Variants in NOL10 observed in about 807,000 individuals in gnomAD.
The protein encoded by NOL10 is nucleolar protein 10.
NOL10 carries 58 observed loss-of-function variants against 103.5 expected under a neutral mutation model. The observed-to-expected ratio is 0.56, with a 90% CI of 0.45 to 0.70. The LOEUF (loss-of-function observed/expected upper bound fraction) is 0.70, where lower values mean the gene tolerates loss of function less well. Among genes scored for constraint, NOL10 ranks in the 30% least tolerant of loss-of-function variants. The pLI is 0.00. For synonymous variants in NOL10, 287 were observed against 282.5 expected (o/e 1.02, Z -0.16); for missense variants, 763 against 807.3 (o/e 0.95, Z 0.67).
At chr2:10,605,544 G>A (rs1160078594) in intron 14 of NOL10, among the ~76,000 whole-genome samples, 1 of 152,058 alleles carries the variant, frequency 6.6e-6, no homozygotes, top group Non-Finnish European at 1.5e-5. Context: ...TTTTAAAAAT[G>A]AGCAGTACAA....
At chr2:10,640,093 A>C (rs957331946) in intron 13 of NOL10, among the ~76,000 whole-genome samples, 4 of 152,220 alleles carry the variant, frequency 2.6e-5, no homozygotes, top group Non-Finnish European at 5.9e-5. Context: ...AGAGGGAGGG[A>C]AAAAGTTTTC....
rs1491169596 is a variant in NOL10 at position 10,659,343 on chromosome 2, G to GC, written c.678-94_678-93insG. 3.4e-4 allele frequency: 12 copies of GC among 35,376 alleles called. No individual in the cohort carries two copies. In the South Asian group the frequency reaches 7.5e-3, roughly 22 times the overall value. 2.2% of individuals were successfully genotyped at this position (35,376 alleles called of 1,614,324 possible). On this transcript the variant is annotated intron_variant, in intron 9 of 20. Coordinates refer to ENST00000381685, the MANE Select transcript of NOL10 (RefSeq NM_024894.4). ...ATTAGTCTTCACTTCAAATCTAATGGGGGGGGGGGGGAGGAATCACATTTC... is the reference window on the plus strand; with the variant it reads ...ATTAGTCTTCACTTCAAATCTAATGGCGGGGGGGGGGGAGGAATCACATTTC...
chr2:10,618,464 T>C (rs1676954509), intron 13 of NOL10, among the ~76,000 whole-genome samples: 1 of 152,206 alleles, frequency 6.6e-6, no homozygotes, highest in South Asian at 2.1e-4. Flanking sequence ...ACACAGGCAA[T>C]GCTGTGCCAA....
intron 17 of NOL10, 100 bp from the exon 18 acceptor site, chr2:10,589,851 A>G (rs1327983316): frequency 1.4e-6 from 1 of 702,236 alleles, no homozygotes; most frequent in East Asian, 3.0e-5. Context: ...TAAGTTAATA[A>G]GCGGCATGAG....
At chr2:10,677,893 GTA>G (rs1452735456) in intron 3 of NOL10, among the ~76,000 whole-genome samples, 12 of 149,244 alleles carry the variant, frequency 8.0e-5, no homozygotes, top group African/African-American at 1.2e-4. Flanking sequence ...ATATGCGTGT[GTA>G]TATATGTGTG....
At chr2:10,601,075 T>C in intron 16 of NOL10, 133 bp from the exon 17 acceptor site, 1 of 557,480 alleles carries the variant, frequency 1.8e-6, no homozygotes. Context: ...TTTATTATTT[T>C]TTTTTTGAGA....
Position 10,572,025 on chromosome 2 carries a change from G to C in NOL10, c.*46C>G, listed in dbSNP as rs1674203038. ...TAACACCCTAACGATGATCAGTTTG[G>C]GGGAGACGTACCCCTCCCTAATCAC... On this transcript the variant is annotated 3_prime_UTR_variant, in exon 21 of 21. Transcript: ENST00000381685. 3.7e-6 allele frequency: 6 copies of C among 1,605,256 alleles called. No homozygotes were observed. The highest frequency in any genetic ancestry group is 1.3e-5 in the African/African-American group (1 of 74,656).
intron 20 of NOL10, among the ~76,000 whole-genome samples, chr2:10,573,985 G>A (rs2148135502): frequency 6.6e-6 from 1 of 150,962 alleles, no homozygotes; most frequent in South Asian, 2.1e-4. Context: ...GAAATACTAT[G>A]TCAGTTCAGT....
At chr2:10,623,550 T>G (rs1429078541) in intron 13 of NOL10, among the ~76,000 whole-genome samples, 1 of 152,250 alleles carries the variant, frequency 6.6e-6, no homozygotes, top group Non-Finnish European at 1.5e-5. Flanking sequence ...ATCTGTTCCT[T>G]TACTAGACTA....
At chr2:10,637,389 A>G (rs539809427) in intron 13 of NOL10, among the ~76,000 whole-genome samples, 9 of 152,154 alleles carry the variant, frequency 5.9e-5, no homozygotes, top group African/African-American at 1.9e-4. Flanking sequence ...CCAAAGCTAT[A>G]ATGATTTCAA....
chr2:10,633,793 ATG>A (rs34227530), intron 13 of NOL10, among the ~76,000 whole-genome samples: 59,982 of 149,196 alleles, frequency 0.4, 13,109 homozygotes, highest in Middle Eastern at 0.59. Context: ...GTTTATATGT[ATG>A]TGTGTGTGTG....
chr2:10,630,232 T>C (rs1253212186), intron 13 of NOL10, among the ~76,000 whole-genome samples: 1 of 152,250 alleles, frequency 6.6e-6, no homozygotes, highest in Non-Finnish European at 1.5e-5. Context: ...ATTCCTCTTT[T>C]GTTGCTCAAG....
chr2:10,657,968 G>A lies in NOL10; in HGVS notation c.757-77C>T, dbSNP rs941259109. On this transcript the variant is annotated intron_variant, in intron 10 of 20. Transcript: ENST00000381685. ...GAAATATTTCTAAGTGAGAATAATG[G>A]CAGCCATTTGCTTCATCGCTTTGTT... 8.9e-6 allele frequency: 10 copies of A among 1,120,360 alleles called. No individual in the cohort carries two copies. In the African/African-American group the frequency reaches 1.6e-4, roughly 18 times the overall value. 69.4% of individuals were successfully genotyped at this position (1,120,360 alleles called of 1,614,324 possible).
chr2:10,588,806 A>G (rs139283830), intron 19 of NOL10, among the ~76,000 whole-genome samples: 1 of 152,328 alleles, frequency 6.6e-6, no homozygotes, highest in Admixed American at 6.5e-5. Context: ...GTTGTGACAA[A>G]TAAGTAAATC....
chr2:10,583,358 A>C (rs1301487338), intron 19 of NOL10, among the ~76,000 whole-genome samples: 1 of 152,136 alleles, frequency 6.6e-6, no homozygotes, highest in Non-Finnish European at 1.5e-5. Flanking sequence ...TCTTAGCCCT[A>C]ATCTTACTTT....
intron 6 of NOL10, among the ~76,000 whole-genome samples, chr2:10,669,910 A>G (rs972126479): frequency 1.1e-4 from 16 of 150,778 alleles, no homozygotes; most frequent in Middle Eastern, 3.5e-3. Context: ...TAATAATAAT[A>G]ATGATAATAA....
At chr2:10,667,569 A>G (rs935749802) in intron 7 of NOL10, among the ~76,000 whole-genome samples, 3 of 152,204 alleles carry the variant, frequency 2.0e-5, no homozygotes, top group Admixed American at 6.5e-5. Context: ...GGGTCACTCT[A>G]TTTTTCAAGG....
chr2:10,660,223 T>C (rs1680108988), intron 9 of NOL10, among the ~76,000 whole-genome samples: 1 of 152,248 alleles, frequency 6.6e-6, no homozygotes, highest in Non-Finnish European at 1.5e-5. Flanking sequence ...AAGCCTCATA[T>C]GCACAGCAAC....
Position 10,689,921 on chromosome 2 carries a change from T to C in NOL10, c.-60A>G, listed in dbSNP as rs978252086. The stretch of plus-strand genomic sequence containing the variant: ...TTCCCACCAGCGTGCTCGAGCACCG[T>C]AATCCCGGGACCTCCGAGCCCCTGC... On this transcript the variant is annotated 5_prime_UTR_variant, in exon 1 of 21. Transcript: ENST00000381685. The C allele has an allele frequency of 1.3e-6, 2 of 1,505,160 alleles. No individual in the cohort carries two copies. Among genetic ancestry groups the C allele is most frequent in the African/African-American group, 2.8e-5 (2 of 72,280 alleles). 93.2% of individuals were successfully genotyped at this position (1,505,160 alleles called of 1,614,324 possible). A position where few individuals can be genotyped will look rare whatever the true frequency, so the allele number is the denominator to read the frequency against.
Sources: gnomAD v4.1 joint callset for allele counts (sites outside exome capture counted in the v4.1 genomes callset) on GRCh38, gnomAD v4.1.1 for gene constraint, MANE v1.5 for transcripts, NCBI Gene and HGNC (gene_info 2026-07-23, HGNC 2026-07-21) for gene names.